The following PKNOX2 variants were observed in gnomAD, a reference collection of about 807,000 sequenced individuals.
The protein encoded by PKNOX2 is homeobox protein PKNOX2.
In PKNOX2, 14 loss-of-function variants were observed where a neutral mutation model predicts 53.1. The ratio of observed to expected loss-of-function variants is 0.26; its 90% CI spans 0.17 to 0.41. PKNOX2 has a LOEUF of 0.41. Among genes scored for constraint, PKNOX2 ranks in the 10% least tolerant of loss-of-function variants. The pLI is 1.00. For synonymous variants in PKNOX2, 257 were observed against 242.8 expected, an observed-to-expected ratio of 1.06 and a Z score of -0.54; for missense variants, 496 against 602.8, an observed-to-expected ratio of 0.82 and a Z score of 1.85.
intron 3 of PKNOX2, among the ~76,000 whole-genome samples, chr11:125,346,304 G>C (rs1950967606): frequency 6.6e-6 from 1 of 152,116 alleles, no homozygotes; most frequent in African/African-American, 2.4e-5. Context: ...GAGAAGTCCG[G>C]TGCTGGCTGG....
At chr11:125,202,295 C>T (rs1306309387) in intron 1 of PKNOX2, among the ~76,000 whole-genome samples, 1 of 152,188 alleles carries the variant, frequency 6.6e-6, no homozygotes. Context: ...CCTTTGCTTG[C>T]CCTGCCCCCT....
At position 125,354,542 on chromosome 11, in the gene PKNOX2, C is replaced by A. The variant is rs549293986; in HGVS notation, c.87+3150C>A. Among the ~76,000 whole-genome samples, 25 of 152,258 alleles carry A rather than the reference C, an allele frequency of 1.6e-4. No individual in the cohort carries two copies. In the East Asian group the frequency reaches 2.5e-3, roughly 15 times the overall value. ...CAGAGCCCTTCCTCTGAGACCCATG[C>A]GATCGTTTTAATAATGTTCCCGTTG... On this transcript the variant is annotated intron_variant, in intron 4 of 12. Transcript: ENST00000298282.
intron 6 of PKNOX2, among the ~76,000 whole-genome samples, chr11:125,393,545 G>A (rs1238854133): frequency 6.6e-6 from 1 of 152,136 alleles, no homozygotes; most frequent in Non-Finnish European, 1.5e-5. Context: ...ACCGTGTGGG[G>A]TTCATTCTAA....
chr11:125,291,839 T>C (rs1947325594), intron 2 of PKNOX2, among the ~76,000 whole-genome samples: 1 of 152,230 alleles, frequency 6.6e-6, no homozygotes, highest in Non-Finnish European at 1.5e-5. Context: ...ATGATTCCAC[T>C]TATATGAAAT....
chr11:125,378,638 C>T (rs1591548646), intron 5 of PKNOX2, among the ~76,000 whole-genome samples: 1 of 152,224 alleles, frequency 6.6e-6, no homozygotes, highest in African/African-American at 2.4e-5. Context: ...GGCAGGCAGC[C>T]ACACACTTGG....
rs925632193 is a variant in PKNOX2, at chr11:125,370,835, G to A, written c.227+2850G>A. Among the ~76,000 whole-genome samples the A allele has an allele frequency of 7.2e-5, 11 of 152,206 alleles. No individual in the cohort carries two copies. Among genetic ancestry groups the A allele is most frequent in the Non-Finnish European group, 1.3e-4 (9 of 68,042 alleles). ...CTGCTCCAAAGCACATCAGGGAGTC[G>A]GCATTTTATGTCAATAAGTGTAACC... On this transcript the variant is annotated intron_variant, in intron 5 of 12. Transcript: ENST00000298282. The surrounding 1 kb of genome is among the most constrained non-coding windows in gnomAD (Gnocchi z 4.1).
chr11:125,270,449 C>G lies in PKNOX2; in HGVS notation c.-130+35334C>G, dbSNP rs1468388714. Among the ~76,000 whole-genome samples the G allele has an allele frequency of 7.9e-5, 12 of 152,194 alleles. 1 individual carries two copies. The East Asian group carries it at 2.3e-3, about 29-fold the overall frequency. On this transcript the variant is annotated intron_variant, in intron 2 of 12. Coordinates refer to ENST00000298282, the MANE Select transcript of PKNOX2 (RefSeq NM_001382323.2). ...GAAGCCTTGGAGGTTTGAATTTCAGCTTTCATGTGGCATTTGTCAGCCTTT... is the reference window on the plus strand; with the variant it reads ...GAAGCCTTGGAGGTTTGAATTTCAGGTTTCATGTGGCATTTGTCAGCCTTT...
intron 10 of PKNOX2, among the ~76,000 whole-genome samples, chr11:125,413,141 A>G (rs1955663058): frequency 1.3e-5 from 2 of 152,218 alleles, no homozygotes; most frequent in African/African-American, 4.8e-5. Context: ...ACATTTTGAA[A>G]GCACTGACTA....
chr11:125,398,297 C>T (rs1023382995), intron 7 of PKNOX2, among the ~76,000 whole-genome samples: 3 of 152,220 alleles, frequency 2.0e-5, no homozygotes, highest in African/African-American at 7.2e-5. Flanking sequence ...ATGACCAGAT[C>T]GGAGAGGGAC....
chr11:125,430,352 C>T (rs1174987742), intron 12 of PKNOX2, among the ~76,000 whole-genome samples: 5 of 152,260 alleles, frequency 3.3e-5, no homozygotes, highest in South Asian at 2.1e-4. Flanking sequence ...TAAAGAAAAG[C>T]GGGAGTTGGT....
intron 2 of PKNOX2, among the ~76,000 whole-genome samples, chr11:125,327,207 A>G (rs1376219906): frequency 1.3e-5 from 2 of 152,198 alleles, no homozygotes; most frequent in Non-Finnish European, 2.9e-5. Context: ...TCATCTGCAA[A>G]AAGCCTAAGC....
At chr11:125,232,404 T>C (rs1170030648) in intron 1 of PKNOX2, among the ~76,000 whole-genome samples, 1 of 152,234 alleles carries the variant, frequency 6.6e-6, no homozygotes, top group Non-Finnish European at 1.5e-5. Context: ...TTCAGTATAT[T>C]AAGTCATTCA....
chr11:125,418,202 A>C (rs1955990941), intron 10 of PKNOX2, among the ~76,000 whole-genome samples: 1 of 151,964 alleles, frequency 6.6e-6, no homozygotes, highest in Non-Finnish European at 1.5e-5. Flanking sequence ...GGGTTTGCCT[A>C]TTCTGGACAT....
intron 2 of PKNOX2, among the ~76,000 whole-genome samples, chr11:125,307,305 G>A (rs1198270235): frequency 1.3e-5 from 2 of 152,190 alleles, no homozygotes; most frequent in Non-Finnish European, 1.5e-5. Context: ...GAGCCTGGGT[G>A]CGGTGGCTCA....
chr11:125,184,363 CA>C (rs1342993837), intron 1 of PKNOX2: 1 of 152,198 alleles, frequency 6.6e-6, no homozygotes, highest in Non-Finnish European at 1.5e-5. Flanking sequence ...TCACATATGG[CA>C]AAGGCCCAAG....
At chr11:125,212,627 AG>A (rs1434094730) in intron 1 of PKNOX2, among the ~76,000 whole-genome samples, 1 of 151,534 alleles carries the variant, frequency 6.6e-6, no homozygotes, top group Non-Finnish European at 1.5e-5. Flanking sequence ...CTGAACAGAG[AG>A]GGAAGAGAGG....
intron 3 of PKNOX2, among the ~76,000 whole-genome samples, chr11:125,336,977 T>C (rs1950465326): frequency 6.7e-6 from 1 of 150,078 alleles, no homozygotes; most frequent in South Asian, 2.1e-4. Flanking sequence ...TAGTATGCCA[T>C]ATACTTTTAT....
chr11:125,287,048 G>A (rs1186049478), intron 2 of PKNOX2, among the ~76,000 whole-genome samples: 3 of 152,184 alleles, frequency 2.0e-5, no homozygotes, highest in Non-Finnish European at 4.4e-5. Context: ...TGCCGCCTGA[G>A]GAGGCCCTCT....
At chr11:125,368,620 T>C (rs1952324275) in intron 5 of PKNOX2, among the ~76,000 whole-genome samples, 1 of 152,226 alleles carries the variant, frequency 6.6e-6, no homozygotes, top group African/African-American at 2.4e-5. Context: ...TTCTGGCACT[T>C]TTCCCCAAGA....
Sources: gnomAD v4.1 joint callset for allele counts (sites outside exome capture counted in the v4.1 genomes callset) on GRCh38, gnomAD v4.1.1 for gene constraint, Gnocchi (gnomAD v3.1) non-coding constraint, MANE v1.5 for transcripts, NCBI Gene and HGNC (gene_info 2026-07-23, HGNC 2026-07-21) for gene names.